ANKS1B: variants seen among roughly 807,000 people sequenced by gnomAD.
The protein encoded by ANKS1B is ankyrin repeat and sterile alpha motif domain containing 1B, also known as ankyrin repeat and sterile alpha motif domain-containing protein 1B.
A neutral mutation model predicts 148.3 loss-of-function variants in ANKS1B; 36 were observed. The observed-to-expected ratio is 0.24, with a 90% CI of 0.19 to 0.32. The LOEUF (loss-of-function observed/expected upper bound fraction) is 0.32. Ranked by LOEUF, ANKS1B falls within the 10% of genes least tolerant of loss-of-function variation. The pLI is 1.00. For missense variants in ANKS1B, 1,157 were observed against 1,542.6 expected (o/e 0.75, Z 4.19); for synonymous variants, 542 against 560.8 (o/e 0.97, Z 0.47).
chr12:99,731,828 T>A (rs993687803), intron 8 of ANKS1B, among the ~76,000 whole-genome samples: 2 of 152,156 alleles, frequency 1.3e-5, no homozygotes, highest in Non-Finnish European at 2.9e-5. Context: ...TCATCAAAAA[T>A]TTTTAAAGTT....
At chr12:98,750,585 T>G (rs980495580) in intron 26 of ANKS1B, among the ~76,000 whole-genome samples, 2 of 152,088 alleles carry the variant, frequency 1.3e-5, no homozygotes, top group South Asian at 4.2e-4. Context: ...GTGAGAGCAA[T>G]GCATTCTGGG....
At chr12:98,961,380 T>A (rs1332174267) in intron 17 of ANKS1B, among the ~76,000 whole-genome samples, 2 of 152,118 alleles carry the variant, frequency 1.3e-5, no homozygotes, top group African/African-American at 4.8e-5. Flanking sequence ...GAATAGTATA[T>A]CCAACAAAAA....
At position 98,903,929 on chromosome 12, in the gene ANKS1B, T is replaced by C. The variant is rs1000193277; in HGVS notation, c.2779-71793A>G. Among the ~76,000 whole-genome samples the C allele has an allele frequency of 4.6e-5, 7 of 152,270 alleles. No individual in the cohort carries two copies. In the East Asian group the frequency reaches 1.2e-3, roughly 25 times the overall value. On this transcript the variant is annotated intron_variant, in intron 17 of 26. Transcript: ENST00000683438. ...TATTACTGCAAAATTTTTTCTTATA[T>C]CAAGTGAAGGTTTCTGAAACCTTTG...
At chr12:99,073,008 C>A (rs927932128) in intron 16 of ANKS1B, among the ~76,000 whole-genome samples, 2 of 152,182 alleles carry the variant, frequency 1.3e-5, no homozygotes, top group Non-Finnish European at 2.9e-5. Flanking sequence ...ATTTTCAATA[C>A]AATTAATGGG....
intron 1 of ANKS1B, among the ~76,000 whole-genome samples, chr12:99,885,310 C>CTTTT (rs369104539): frequency 2.3e-5 from 3 of 129,926 alleles, no homozygotes; most frequent in Admixed American, 8.2e-5. Context: ...TTCTCATGTC[C>CTTTT]TTTTTTTTTT....
intron 12 of ANKS1B, among the ~76,000 whole-genome samples, chr12:99,298,459 C>CATGATTGTGAGGCCTCCCT (rs1566837345): frequency 6.6e-6 from 1 of 152,166 alleles, no homozygotes; most frequent in Non-Finnish European, 1.5e-5. Context: ...TGCCTTCTGC[C>CATGATTGTGAGGCCTCCCT]ATGATTGTGA....
intron 17 of ANKS1B, among the ~76,000 whole-genome samples, chr12:99,042,284 T>C (rs1184937958): frequency 1.3e-5 from 2 of 152,160 alleles, no homozygotes; most frequent in Non-Finnish European, 2.9e-5. Flanking sequence ...AAAAAAGCGC[T>C]TGCTCATTTT....
chr12:99,110,693 A>G (rs979124094), intron 15 of ANKS1B, among the ~76,000 whole-genome samples: 2 of 152,188 alleles, frequency 1.3e-5, no homozygotes, highest in African/African-American at 2.4e-5. Flanking sequence ...GAAATATTAG[A>G]ACACTAAATG....
chr12:98,919,086 T>C (rs528391940), intron 17 of ANKS1B, among the ~76,000 whole-genome samples: 1 of 152,224 alleles, frequency 6.6e-6, no homozygotes, highest in Non-Finnish European at 1.5e-5. Context: ...TTTCAAAGGG[T>C]TTCTTTTTGC....
chr12:99,487,118 T>C (rs1483083456), intron 10 of ANKS1B, among the ~76,000 whole-genome samples: 3 of 152,180 alleles, frequency 2.0e-5, no homozygotes, highest in Non-Finnish European at 2.9e-5. Context: ...AAACTTCATA[T>C]CAGCAGAAAG....
intron 8 of ANKS1B, among the ~76,000 whole-genome samples, chr12:99,745,673 A>T (rs1481260406): frequency 6.6e-6 from 1 of 152,146 alleles, no homozygotes; most frequent in Non-Finnish European, 1.5e-5. Context: ...ACAAACAGTA[A>T]AATTACAATT....
At chr12:99,758,439 T>C (rs1381287471) in intron 8 of ANKS1B, among the ~76,000 whole-genome samples, 1 of 151,926 alleles carries the variant, frequency 6.6e-6, no homozygotes, top group Non-Finnish European at 1.5e-5. Flanking sequence ...GTTTAGTGTG[T>C]AATCTGTGGT....
chr12:99,885,114 C>T (rs575065774), intron 1 of ANKS1B, among the ~76,000 whole-genome samples: 11 of 152,066 alleles, frequency 7.2e-5, no homozygotes, highest in African/African-American at 2.7e-4. Flanking sequence ...CCTGCCTTTT[C>T]ACATTCTATT....
chr12:99,580,252 C>T (rs144689363), intron 9 of ANKS1B, among the ~76,000 whole-genome samples: 25 of 152,198 alleles, frequency 1.6e-4, no homozygotes, highest in Admixed American at 8.5e-4. Flanking sequence ...GTACTATGCT[C>T]ACTACCTGGG....
intron 8 of ANKS1B, among the ~76,000 whole-genome samples, chr12:99,670,477 G>A (rs574801701): frequency 6.6e-6 from 1 of 151,968 alleles, no homozygotes; most frequent in African/African-American, 2.4e-5. Context: ...TATTGTTTAT[G>A]CCCAATATTT....
At chr12:99,779,160 C>A (rs920716062) in intron 6 of ANKS1B, among the ~76,000 whole-genome samples, 13 of 152,114 alleles carry the variant, frequency 8.5e-5, no homozygotes, top group African/African-American at 2.7e-4. Context: ...ATGCAAGCTG[C>A]AAATAACAAA....
rs1601529660 is a variant in ANKS1B, at chr12:99,188,274, T to C, written c.2420-33879A>G. Reference sequence around the variant, plus strand: ...GACTTTAACACCCCACTGTCAATATTAGACAGATCAATGAGACGGAAAATT... The same window carrying C: ...GACTTTAACACCCCACTGTCAATATCAGACAGATCAATGAGACGGAAAATT... On this transcript the variant is annotated intron_variant, in intron 14 of 26. Coordinates refer to ENST00000683438, the MANE Select transcript of ANKS1B (RefSeq NM_001352186.2). Among the ~76,000 whole-genome samples the C allele has an allele frequency of 2.0e-5, 3 of 152,242 alleles. 1 individual carries two copies. The highest frequency in any genetic ancestry group is 7.2e-5 in the African/African-American group (3 of 41,544).
chr12:99,177,630 C>T (rs1158302524), intron 14 of ANKS1B, among the ~76,000 whole-genome samples: 1 of 152,242 alleles, frequency 6.6e-6, no homozygotes, highest in Admixed American at 6.5e-5. Flanking sequence ...TAGCACATCC[C>T]AGCAGAGGTA....
In ANKS1B at chr12:98,745,424, A is replaced by C. The variant is rs2097859822; in HGVS notation, c.*315T>G. 2 of 1,001,828 alleles carry C rather than the reference A, an allele frequency of 2.0e-6. No homozygotes were observed. The highest frequency in any genetic ancestry group is 1.2e-6 in the Non-Finnish European group (1 of 845,858). The allele number at this position is 1,001,828 out of a possible 1,614,324, so 62.1% of individuals were successfully genotyped here. On this transcript the variant is annotated 3_prime_UTR_variant, in exon 27 of 27. Transcript: ENST00000683438. ...TAAAGAAAAGGTATTATTTTCCCCA[A>C]ATGAAGCAAAGCAAGTACTGGGGCG...
Sources: allele counts gnomAD v4.1 joint callset (sites outside exome capture counted in the v4.1 genomes callset), GRCh38; gene constraint gnomAD v4.1.1; transcripts MANE v1.5; gene names NCBI Gene and HGNC (gene_info 2026-07-23, HGNC 2026-07-21).